The following ELMO1 variants were observed in gnomAD, a reference collection of about 807,000 sequenced individuals.
The protein encoded by ELMO1 is engulfment and cell motility protein 1.
In ELMO1, 26 loss-of-function variants were observed where a neutral mutation model predicts 98.9. The ratio of observed to expected loss-of-function variants is 0.26; its 90% CI spans 0.19 to 0.36. ELMO1 has a LOEUF of 0.36. ELMO1 is among the 10% of genes least tolerant of loss of function. The pLI is 1.00. For synonymous variants in ELMO1, 346 were observed against 346.0 expected (o/e 1.00, Z 0.00); for missense variants, 627 against 935.2 (o/e 0.67, Z 4.30).
intron 1 of ELMO1, among the ~76,000 whole-genome samples, chr7:37,348,516 A>G (rs1356935961): frequency 6.6e-6 from 1 of 152,098 alleles, no homozygotes; most frequent in Non-Finnish European, 1.5e-5. Context: ...CTCGATATGC[A>G]TGTTAAGTGG....
At chr7:36,867,172 ATCCATCCATCATTCTCCAGCTG>A (rs1287152154) in intron 20 of ELMO1, among the ~76,000 whole-genome samples, 4 of 152,162 alleles carry the variant, frequency 2.6e-5, no homozygotes, top group African/African-American at 9.7e-5. Context: ...GGCGTACTCC[ATCCATCCATCATTCTCCAGCTG>A]TCCATCCATC....
rs572268925 is a variant in ELMO1 at position 37,048,149 on chromosome 7, C to T, written c.1301-34714G>A. 3.8e-4 allele frequency among the ~76,000 whole-genome samples: 58 copies of T among 152,246 alleles called. No individual in the cohort carries two copies. The East Asian group carries it at 9.3e-3, about 24-fold the overall frequency. ...ATTCTTTGTTGAGAGGGAGGCTTGT[C>T]CTGTGCATTGAAGGGTGTTTAGCAG... On this transcript the variant is annotated intron_variant, in intron 15 of 21. Transcript: ENST00000310758.
At chr7:36,904,233 G>C (rs1783794103) in intron 16 of ELMO1, among the ~76,000 whole-genome samples, 1 of 152,224 alleles carries the variant, frequency 6.6e-6, no homozygotes, top group Non-Finnish European at 1.5e-5. Flanking sequence ...GAGAACCTAA[G>C]GACAGGCTGT....
In ELMO1 at chr7:36,868,230, T is replaced by C. The variant is rs13438251; in HGVS notation, c.1905+2163A>G. On this transcript the variant is annotated intron_variant, in intron 20 of 21. Transcript: ENST00000310758. Reference sequence around the variant, plus strand: ...CATGTTAAGGATTATTATGTCTTCTTGGACATCTGACTTTCCACATTCCAC... The same window carrying C: ...CATGTTAAGGATTATTATGTCTTCTCGGACATCTGACTTTCCACATTCCAC... Among the ~76,000 whole-genome samples the C allele has an allele frequency of 8.5e-3, 1,292 of 152,360 alleles. 17 individuals carry two copies. Among genetic ancestry groups the C allele is most frequent in the African/African-American group, 0.029 (1,215 of 41,584 alleles).
chr7:36,871,436 G>C (rs1803492947), intron 19 of ELMO1, among the ~76,000 whole-genome samples: 1 of 152,124 alleles, frequency 6.6e-6, no homozygotes, highest in Admixed American at 6.5e-5. Context: ...GAAGGCAATA[G>C]GATGGTTTGG....
In ELMO1 at chr7:36,979,884, G is replaced by A. The variant is rs1434880924; in HGVS notation, c.1437+33415C>T. Among the ~76,000 whole-genome samples the A allele has an allele frequency of 2.0e-5, 3 of 152,184 alleles. No homozygotes were observed. In the East Asian group the frequency reaches 5.8e-4, roughly 29 times the overall value. On this transcript the variant is annotated intron_variant, in intron 16 of 21. Transcript: ENST00000310758. ...GCCTGAGTTCCATTAGCTCATGGGT[G>A]TTTCTTTCCAACCAGGCAAGTGGAC... is the stretch of plus-strand genomic sequence containing the variant.
chr7:36,882,892 T>C (rs534776373), intron 18 of ELMO1, among the ~76,000 whole-genome samples: 2 of 152,390 alleles, frequency 1.3e-5, no homozygotes, highest in South Asian at 2.1e-4. Flanking sequence ...TTCTGACCTA[T>C]TGGGAAGTGC....
intron 16 of ELMO1, among the ~76,000 whole-genome samples, chr7:36,934,984 T>A (rs1362915816): frequency 6.6e-6 from 1 of 150,598 alleles, no homozygotes; most frequent in Admixed American, 6.6e-5. Flanking sequence ...AGGACCACCG[T>A]GGTCTCCACC....
At chr7:36,864,114 G>A (rs954874306) in intron 20 of ELMO1, among the ~76,000 whole-genome samples, 1 of 152,170 alleles carries the variant, frequency 6.6e-6, no homozygotes, top group Non-Finnish European at 1.5e-5. Flanking sequence ...GTGCCTGACT[G>A]CTCAGGGAAA....
intron 4 of ELMO1, among the ~76,000 whole-genome samples, chr7:37,272,681 A>AG (rs927428789): frequency 2.5e-5 from 3 of 121,408 alleles, no homozygotes; most frequent in African/African-American, 1.0e-4. Context: ...GTCTTAAAGG[A>AG]AAAAAAAAAA....
At chr7:37,270,985 C>G (rs1796528378) in intron 5 of ELMO1, 1 of 151,908 alleles carries the variant, frequency 6.6e-6, no homozygotes, top group African/African-American at 2.4e-5. Context: ...CTCACCCAGG[C>G]TGGAGTGCAG....
intron 16 of ELMO1, among the ~76,000 whole-genome samples, chr7:36,900,758 C>T (rs757479537): frequency 8.5e-5 from 13 of 152,132 alleles, no homozygotes; most frequent in East Asian, 1.9e-4. Flanking sequence ...TTCACAGTGA[C>T]GAGAAAAGGC....
chr7:37,097,089 C>T (rs1404444833), intron 14 of ELMO1, among the ~76,000 whole-genome samples: 1 of 152,208 alleles, frequency 6.6e-6, no homozygotes, highest in Non-Finnish European at 1.5e-5. Flanking sequence ...ATAGTAACTC[C>T]TTCTGTGACT....
At chr7:37,191,593 A>G (rs1018295871) in intron 13 of ELMO1, among the ~76,000 whole-genome samples, 1 of 152,198 alleles carries the variant, frequency 6.6e-6, no homozygotes, top group African/African-American at 2.4e-5. Flanking sequence ...GAGAATGTTT[A>G]GATAAATTTT....
intron 13 of ELMO1, among the ~76,000 whole-genome samples, chr7:37,185,645 C>T (rs1791155209): frequency 6.6e-6 from 1 of 152,060 alleles, no homozygotes; most frequent in African/African-American, 2.4e-5. Flanking sequence ...TCAAGCCAGA[C>T]AAGATTTTTG....
intron 4 of ELMO1, among the ~76,000 whole-genome samples, chr7:37,301,719 C>A (rs1798360060): frequency 6.6e-6 from 1 of 152,148 alleles, no homozygotes; most frequent in South Asian, 2.1e-4. Context: ...GGCGGTGAAT[C>A]CCAATTTCTC....
intron 14 of ELMO1, among the ~76,000 whole-genome samples, chr7:37,130,234 C>T (rs10488643): frequency 0.023 from 3,481 of 152,232 alleles, 145 homozygotes; most frequent in African/African-American, 0.08. Context: ...CTTTTGATCT[C>T]TAGACAGTGA....
At chr7:37,155,050 G>A (rs1584730733) in intron 13 of ELMO1, among the ~76,000 whole-genome samples, 1 of 152,142 alleles carries the variant, frequency 6.6e-6, no homozygotes, top group African/African-American at 2.4e-5. Flanking sequence ...TTCATATCCA[G>A]ACAAACTAAG....
At chr7:37,310,151 G>C (rs1447452258) in intron 4 of ELMO1, among the ~76,000 whole-genome samples, 4 of 152,190 alleles carry the variant, frequency 2.6e-5, no homozygotes, top group Admixed American at 2.6e-4. Flanking sequence ...TTTGCAGAGA[G>C]GGCCTGAATG....
Sources: gnomAD v4.1 joint callset for allele counts (sites outside exome capture counted in the v4.1 genomes callset) on GRCh38, gnomAD v4.1.1 for gene constraint, MANE v1.5 for transcripts, NCBI Gene and HGNC (gene_info 2026-07-23, HGNC 2026-07-21) for gene names.